The following ASAP1 variants were observed in gnomAD, a reference collection of about 807,000 sequenced individuals.
ASAP1 encodes the protein arf-GAP with SH3 domain, ANK repeat and PH domain-containing protein 1.
ASAP1 carries 43 observed loss-of-function variants against 145.2 expected under a neutral mutation model. The ratio of observed to expected loss-of-function variants is 0.30; its 90% CI spans 0.23 to 0.38. The LOEUF is 0.38. Among genes scored for constraint, ASAP1 ranks in the 10% least tolerant of loss-of-function variants. The probability of loss-of-function intolerance (pLI) is 1.00; values close to 1 mark genes in which losing one functional copy is unlikely to be tolerated. For synonymous variants in ASAP1, 546 were observed against 515.5 expected, an observed-to-expected ratio of 1.06 and a Z score of -0.80; for missense variants, 1,018 against 1,355.3, an observed-to-expected ratio of 0.75 and a Z score of 3.91.
chr8:130,090,927 G>A (rs867650506), intron 25 of ASAP1, among the ~76,000 whole-genome samples: 1 of 152,206 alleles, frequency 6.6e-6, no homozygotes, highest in Non-Finnish European at 1.5e-5. Context: ...CTCCACAGCA[G>A]GAAGAGGTGA....
intron 23 of ASAP1, among the ~76,000 whole-genome samples, chr8:130,115,350 C>A (rs1488603471): frequency 6.6e-6 from 1 of 152,170 alleles, no homozygotes; most frequent in Non-Finnish European, 1.5e-5. Flanking sequence ...GCTGGCCTGC[C>A]CTGTGCATTT....
At chr8:130,162,766 C>T (rs544547866) in intron 11 of ASAP1, among the ~76,000 whole-genome samples, 2 of 149,886 alleles carry the variant, frequency 1.3e-5, no homozygotes, top group African/African-American at 2.5e-5. Context: ...TGCAGTGAAC[C>T]GAGATTGCGC....
intron 3 of ASAP1, among the ~76,000 whole-genome samples, chr8:130,245,206 A>C (rs939524200): frequency 2.0e-5 from 3 of 152,174 alleles, no homozygotes; most frequent in African/African-American, 7.2e-5. Context: ...TTTGATTTGC[A>C]TAACACAGCC....
chr8:130,246,456 G>A (rs536037078), intron 3 of ASAP1, among the ~76,000 whole-genome samples: 66 of 152,188 alleles, frequency 4.3e-4, no homozygotes, highest in Middle Eastern at 3.4e-3. Flanking sequence ...TGGATCATGG[G>A]GGTGGTTTCC....
intron 1 of ASAP1, among the ~76,000 whole-genome samples, chr8:130,430,070 C>T (rs1413751127): frequency 1.3e-5 from 2 of 152,172 alleles, no homozygotes; most frequent in Non-Finnish European, 2.9e-5. Context: ...TCCGTTTCCT[C>T]CTCCAAATGA....
At chr8:130,290,933 C>A (rs1397784878) in intron 3 of ASAP1, among the ~76,000 whole-genome samples, 3 of 152,176 alleles carry the variant, frequency 2.0e-5, no homozygotes, top group Admixed American at 2.0e-4. Flanking sequence ...TTCAATGTGC[C>A]ATTCCAATGA....
chr8:130,425,738 G>A (rs1829892884), intron 1 of ASAP1, among the ~76,000 whole-genome samples: 1 of 152,170 alleles, frequency 6.6e-6, no homozygotes, highest in East Asian at 1.9e-4. Flanking sequence ...GTTATGTCAG[G>A]CACTGGGCTA....
chr8:130,134,231 G>A, intron 15 of ASAP1, 65 bp downstream of exon 15: 1 of 1,249,714 alleles, frequency 8.0e-7, no homozygotes, highest in South Asian at 1.5e-5. Flanking sequence ...ATGTTGATGT[G>A]TATTGTAAAC....
At chr8:130,058,261 A>G (rs2097408865) in intron 28 of ASAP1, among the ~76,000 whole-genome samples, 185 bp from the exon 29 acceptor site, 1 of 152,142 alleles carries the variant, frequency 6.6e-6, no homozygotes, top group East Asian at 1.9e-4. Flanking sequence ...ACTCTTAACT[A>G]CAGGCCCTTC....
intron 3 of ASAP1, among the ~76,000 whole-genome samples, chr8:130,303,889 CAT>C (rs1378655116): frequency 2.0e-5 from 3 of 152,140 alleles, no homozygotes; most frequent in Admixed American, 1.3e-4. Context: ...GAATGTACAA[CAT>C]AGAGTGAACT....
intron 3 of ASAP1, among the ~76,000 whole-genome samples, chr8:130,339,661 A>C (rs1825255754): frequency 6.6e-6 from 1 of 152,122 alleles, no homozygotes; most frequent in Non-Finnish European, 1.5e-5. Context: ...ACAATGCTAT[A>C]ATCAGGAAGT....
At chr8:130,116,551 C>A in intron 22 of ASAP1, 127 bp downstream of exon 22, 2 of 795,808 alleles carry the variant, frequency 2.5e-6, no homozygotes, top group Non-Finnish European at 4.1e-6. Context: ...CATTGCTCAT[C>A]TGATTTTCTT....
chr8:130,056,247 G>C lies in ASAP1; in HGVS notation c.3316-1442C>G, dbSNP rs184066041. On this transcript the variant is annotated intron_variant, in intron 29 of 29. Coordinates refer to ENST00000518721, the MANE Select transcript of ASAP1 (RefSeq NM_018482.4). Reference sequence around the variant, plus strand: ...CATAGAGCTAGTAACTGATTCACGTGGGGGGGCTTCAGAGCCCACCTCCTC... The same window carrying C: ...CATAGAGCTAGTAACTGATTCACGTCGGGGGGCTTCAGAGCCCACCTCCTC... Among the ~76,000 whole-genome samples the C allele has an allele frequency of 2.0e-5, 3 of 152,192 alleles. 1 individual carries two copies. The highest frequency in any genetic ancestry group is 4.1e-4 in the South Asian group (2 of 4,830).
chr8:130,403,596 A>G (rs1043523018), intron 1 of ASAP1, among the ~76,000 whole-genome samples: 2 of 130,684 alleles, frequency 1.5e-5, no homozygotes, highest in African/African-American at 6.1e-5. Context: ...CTCGTTGCCC[A>G]GACTGGAGTG....
intron 3 of ASAP1, among the ~76,000 whole-genome samples, chr8:130,282,591 C>G (rs539169008): frequency 6.6e-6 from 1 of 152,084 alleles, no homozygotes; most frequent in East Asian, 1.9e-4. Context: ...AACTGAAAGG[C>G]CTTTCAGCTC....
Position 130,213,975 on chromosome 8 carries a change from C to T in ASAP1, c.405+581G>A, listed in dbSNP as rs560102815. On this transcript the variant is annotated intron_variant, in intron 5 of 29. Coordinates refer to ENST00000518721, the MANE Select transcript of ASAP1 (RefSeq NM_018482.4). ...GGCCAGCACCTCTAGTGTCTCAGAT[C>T]GTTAGGGATTCTTCCTGTCATTTAC... Among the ~76,000 whole-genome samples, 68 of 152,246 alleles carry T rather than the reference C, an allele frequency of 4.5e-4. 2 individuals carry two copies. In the South Asian group the frequency reaches 0.014, roughly 31 times the overall value.
intron 1 of ASAP1, among the ~76,000 whole-genome samples, chr8:130,414,821 G>C (rs1829409584): frequency 6.6e-6 from 1 of 150,698 alleles, no homozygotes; most frequent in Non-Finnish European, 1.5e-5. Flanking sequence ...GCAGTGGCAA[G>C]ATCTTGGTCC....
chr8:130,301,156 G>A (rs1194397311), intron 3 of ASAP1, among the ~76,000 whole-genome samples: 2 of 152,110 alleles, frequency 1.3e-5, no homozygotes, highest in African/African-American at 4.8e-5. Context: ...ATTTTATCCA[G>A]ACTATCCTAA....
chr8:130,363,762 T>C (rs1456803836), intron 2 of ASAP1, among the ~76,000 whole-genome samples: 1 of 152,226 alleles, frequency 6.6e-6, no homozygotes, highest in Non-Finnish European at 1.5e-5. Flanking sequence ...CCTGCAAAAT[T>C]GGTCTCTTTA....
Sources: gnomAD v4.1 joint callset for allele counts (sites outside exome capture counted in the v4.1 genomes callset) on GRCh38, gnomAD v4.1.1 for gene constraint, MANE v1.5 for transcripts, NCBI Gene and HGNC (gene_info 2026-07-23, HGNC 2026-07-21) for gene names.